The following RSPH14 variants were observed in gnomAD, a reference collection of about 807,000 sequenced individuals.
The protein encoded by RSPH14 is radial spoke head 14 homolog.
A neutral mutation model predicts 26.7 loss-of-function variants in RSPH14; 20 were observed. The ratio of observed to expected loss-of-function variants is 0.75; its 90% CI spans 0.53 to 1.09. The LOEUF is 1.09. Ranked by LOEUF, RSPH14 falls within the 50% of genes least tolerant of loss-of-function variation. The pLI is 0.00. For missense variants in RSPH14, 449 were observed against 457.2 expected, an observed-to-expected ratio of 0.98 and a Z score of 0.16; for synonymous variants, 177 against 189.3, an observed-to-expected ratio of 0.93 and a Z score of 0.53.
At chr22:23,116,139 C>T (rs893005482) in intron 4 of RSPH14, among the ~76,000 whole-genome samples, 2 of 152,384 alleles carry the variant, frequency 1.3e-5, no homozygotes, top group East Asian at 3.9e-4. Flanking sequence ...GTAAGCCTTG[C>T]TTCGTGAAGC....
chr22:23,180,405 G>T, the RSPH14 span: 1 of 170,494 alleles, frequency 5.9e-6, no homozygotes, highest in East Asian at 1.1e-4. Flanking sequence ...CGCCTCCAGG[G>T]GGCCCCCCCG....
chr22:23,166,844 C>T, the RSPH14 span, among the ~76,000 whole-genome samples: 4 of 152,162 alleles, frequency 2.6e-5, no homozygotes, highest in African/African-American at 4.8e-5. Context: ...AATTCTGACC[C>T]ACTGTTCCCC....
the RSPH14 span, among the ~76,000 whole-genome samples, chr22:23,171,048 G>A: frequency 1.8e-4 from 27 of 151,916 alleles, no homozygotes; most frequent in African/African-American, 6.5e-4. Context: ...GCTCACTGCG[G>A]CCTCTGCCTC....
intron 4 of RSPH14, chr22:23,123,495 G>A: frequency 9.4e-7 from 1 of 1,061,368 alleles, no homozygotes. Context: ...CCCAACGCGT[G>A]CTAGAGAGGC....
At chr22:23,109,444 G>A (rs1280388725) in intron 4 of RSPH14, among the ~76,000 whole-genome samples, 1 of 152,198 alleles carries the variant, frequency 6.6e-6, no homozygotes, top group African/African-American at 2.4e-5. Flanking sequence ...AAGTGAGCCT[G>A]GGAGAAAGGG....
chr22:23,081,771 G>A (rs1349438196), intron 4 of RSPH14, among the ~76,000 whole-genome samples: 3 of 140,856 alleles, frequency 2.1e-5, no homozygotes, highest in African/African-American at 5.4e-5. Flanking sequence ...GCAGTGAGCC[G>A]AGATCGTGCC....
At chr22:23,095,477 TGGGGAGGGGC>T (rs2069097645) in intron 4 of RSPH14, 2 of 568,614 alleles carry the variant, frequency 3.5e-6, no homozygotes, top group Admixed American at 6.5e-5. Flanking sequence ...GTGTCACTAG[TGGGGAGGGGC>T]GGCCACCGCC....
chr22:23,159,437 G>T, the RSPH14 span, among the ~76,000 whole-genome samples: 6 of 152,248 alleles, frequency 3.9e-5, no homozygotes, highest in Non-Finnish European at 8.8e-5. Flanking sequence ...CCTAAGAGGA[G>T]CTGCGTCATC....
chr22:23,151,412 C>T, the RSPH14 span, among the ~76,000 whole-genome samples: 1 of 152,174 alleles, frequency 6.6e-6, no homozygotes, highest in Non-Finnish European at 1.5e-5. Context: ...GCAGGGTAGA[C>T]ACAATCCCTG....
chr22:23,179,903 G>A, the RSPH14 span: 15 of 252,888 alleles, frequency 5.9e-5, no homozygotes, highest in African/African-American at 1.1e-4. Flanking sequence ...AGGCTGTGAG[G>A]TGTGAGGAAC....
At chr22:23,090,308 G>A (rs2068935228) in intron 4 of RSPH14, among the ~76,000 whole-genome samples, 1 of 151,974 alleles carries the variant, frequency 6.6e-6, no homozygotes, top group Admixed American at 6.6e-5. Context: ...CCACCCAGCC[G>A]CCACTCCATC....
intron 4 of RSPH14, among the ~76,000 whole-genome samples, chr22:23,128,913 A>G (rs2070245152): frequency 6.6e-6 from 1 of 152,198 alleles, no homozygotes; most frequent in Non-Finnish European, 1.5e-5. Flanking sequence ...GCCATGGTGA[A>G]AACGGCCTTC....
chr22:23,083,863 T>C (rs1219906320), intron 4 of RSPH14, among the ~76,000 whole-genome samples: 1 of 152,140 alleles, frequency 6.6e-6, no homozygotes, highest in Admixed American at 6.5e-5. Context: ...TCCACTGGGG[T>C]TCCAGGGATC....
intron 4 of RSPH14, among the ~76,000 whole-genome samples, chr22:23,072,268 C>G (rs1053874337): frequency 1.3e-5 from 2 of 152,170 alleles, no homozygotes; most frequent in South Asian, 4.1e-4. Flanking sequence ...GAGCAGTAAT[C>G]GTGGCAGCCT....
chr22:23,104,561 G>A (rs930165350), intron 4 of RSPH14, among the ~76,000 whole-genome samples: 1 of 152,158 alleles, frequency 6.6e-6, no homozygotes, highest in Non-Finnish European at 1.5e-5. Flanking sequence ...AACAGCTCTG[G>A]GTTTTAAGAC....
At chr22:23,109,646 G>C (rs2069587298) in intron 4 of RSPH14, among the ~76,000 whole-genome samples, 1 of 152,160 alleles carries the variant, frequency 6.6e-6, no homozygotes, top group Non-Finnish European at 1.5e-5. Flanking sequence ...AGCTGGAACA[G>C]AGCCCTCCGT....
At position 23,123,428 on chromosome 22, in the gene RSPH14, C is replaced by T. The variant is rs768413323; in HGVS notation, c.421+10598G>A. 2.5e-6 allele frequency: 4 copies of T among 1,604,342 alleles called. No individual in the cohort carries two copies. In the African/African-American group the frequency reaches 5.4e-5, roughly 21 times the overall value. ...ACAATCTCAAGTACATTGGCCTTTG[C>T]TGAGGAGCTGGGCCCGGGGCCCGCC... On this transcript the variant is annotated intron_variant, in intron 4 of 6. Coordinates refer to ENST00000216036, the MANE Select transcript of RSPH14 (RefSeq NM_014433.3).
rs184255111 is a variant in RSPH14 at position 23,093,706 on chromosome 22, A to C, written c.422-29573T>G. On this transcript the variant is annotated intron_variant, in intron 4 of 6. Coordinates refer to ENST00000216036, the MANE Select transcript of RSPH14 (RefSeq NM_014433.3). ...GGAGTAAGTCGCCAGAGGCCACACA[A>C]CCTGGGAGAGGCAAGCAAGGCATGA... Among the ~76,000 whole-genome samples the C allele has an allele frequency of 1.8e-3, 279 of 152,246 alleles. 1 individual carries two copies. Among genetic ancestry groups the C allele is most frequent in the African/African-American group, 5.0e-3 (208 of 41,536 alleles).
At chr22:23,148,642 T>C (rs2070937266), upstream of RSPH14, among the ~76,000 whole-genome samples, 1 of 152,182 alleles carries the variant, frequency 6.6e-6, no homozygotes, top group Non-Finnish European at 1.5e-5. Flanking sequence ...CCTGAGAAAT[T>C]CAGTCAGGTT....
Sources: gnomAD v4.1 joint callset for allele counts (sites outside exome capture counted in the v4.1 genomes callset) on GRCh38, gnomAD v4.1.1 for gene constraint, MANE v1.5 for transcripts, NCBI Gene and HGNC (gene_info 2026-07-23, HGNC 2026-07-21) for gene names.